VEPH1: variants seen among roughly 807,000 people sequenced by gnomAD.
VEPH1 encodes ventricular zone-expressed PH domain-containing protein homolog 1.
A neutral mutation model predicts 85.2 loss-of-function variants in VEPH1; 80 were observed. That is an observed-to-expected ratio of 0.94 (90% CI 0.78 to 1.13). VEPH1 has a LOEUF of 1.13. Ranked by LOEUF, VEPH1 falls within the 50% of genes most tolerant of loss-of-function variation. VEPH1 has a pLI of 0.00. For synonymous variants in VEPH1, 297 were observed against 348.0 expected (o/e 0.85, Z 1.63); for missense variants, 955 against 980.5 (o/e 0.97, Z 0.35).
intron 9 of VEPH1, among the ~76,000 whole-genome samples, chr3:157,329,708 T>C (rs1449581398): frequency 6.6e-6 from 1 of 152,178 alleles, no homozygotes; most frequent in Non-Finnish European, 1.5e-5. Context: ...TAATGACTAG[T>C]AATGTTATTC....
intron 10 of VEPH1, 44 bp from the exon 11 acceptor site, chr3:157,313,799 T>A: frequency 1.2e-6 from 2 of 1,605,704 alleles, no homozygotes; most frequent in Non-Finnish European, 1.7e-6. Context: ...CTATGTCTTG[T>A]CCCAATAGTA....
At chr3:157,495,028 T>C (rs938569734) in intron 2 of VEPH1, among the ~76,000 whole-genome samples, 184 bp downstream of exon 2, 1 of 152,204 alleles carries the variant, frequency 6.6e-6, no homozygotes, top group Non-Finnish European at 1.5e-5. Context: ...TGCCCCCTAC[T>C]AAGCCATGAC....
At chr3:157,289,816 A>G (rs1717250000) in intron 11 of VEPH1, among the ~76,000 whole-genome samples, 1 of 152,216 alleles carries the variant, frequency 6.6e-6, no homozygotes, top group Admixed American at 6.5e-5. Context: ...AGTGATAAAA[A>G]TAACTTATAT....
At chr3:157,370,155 G>A (rs1354797403) in intron 7 of VEPH1, among the ~76,000 whole-genome samples, 1 of 152,170 alleles carries the variant, frequency 6.6e-6, no homozygotes, top group East Asian at 1.9e-4. Context: ...TACATCTAGG[G>A]ATTCCCAGGG....
intron 9 of VEPH1, 138 bp downstream of exon 9, chr3:157,363,226 A>G (rs2108772020): frequency 2.5e-6 from 2 of 796,852 alleles, no homozygotes; most frequent in Non-Finnish European, 3.8e-6. Flanking sequence ...AAACTAACAT[A>G]ATGTAAGGTA....
chr3:157,272,440 C>CTTTCTTTCT (rs1491059636), intron 12 of VEPH1, among the ~76,000 whole-genome samples: 6 of 49,906 alleles, frequency 1.2e-4, no homozygotes, highest in Admixed American at 2.3e-4. Context: ...TCTTTCTTTC[C>CTTTCTTTCT]TTCTCTCTCT....
At chr3:157,502,188 G>T (rs1286038204) in intron 1 of VEPH1, among the ~76,000 whole-genome samples, 2 of 152,196 alleles carry the variant, frequency 1.3e-5, no homozygotes, top group East Asian at 3.9e-4. Context: ...CTGTCTTTTT[G>T]CTAGAGTACA....
At chr3:157,278,565 T>C (rs766532471) in intron 12 of VEPH1, among the ~76,000 whole-genome samples, 23 of 152,208 alleles carry the variant, frequency 1.5e-4, no homozygotes, top group Admixed American at 1.5e-3. Flanking sequence ...ATTTGTGTTT[T>C]GAAGAGTTCA....
At chr3:157,299,189 T>G (rs1718472433) in intron 11 of VEPH1, among the ~76,000 whole-genome samples, 1 of 152,182 alleles carries the variant, frequency 6.6e-6, no homozygotes, top group Admixed American at 6.5e-5. Context: ...TTATTCAGTT[T>G]GAGCAGTCTC....
chr3:157,384,449 G>A (rs1232082185), intron 6 of VEPH1, among the ~76,000 whole-genome samples: 6 of 152,090 alleles, frequency 3.9e-5, no homozygotes, highest in East Asian at 1.9e-4. Flanking sequence ...TTTAAAAACC[G>A]TTTCACAAAC....
At chr3:157,309,202 C>A (rs1719834445) in intron 11 of VEPH1, among the ~76,000 whole-genome samples, 1 of 152,032 alleles carries the variant, frequency 6.6e-6, no homozygotes, top group Non-Finnish European at 1.5e-5. Flanking sequence ...AGCTTATATT[C>A]TCATGTTGGC....
intron 2 of VEPH1, among the ~76,000 whole-genome samples, chr3:157,494,456 G>T (rs1739490870): frequency 6.6e-6 from 1 of 152,198 alleles, no homozygotes; most frequent in Non-Finnish European, 1.5e-5. Context: ...AGGTCAACAT[G>T]AAACCACACT....
intron 4 of VEPH1, 89 bp from the exon 5 acceptor site, chr3:157,428,577 T>G (rs1732920539): frequency 1.5e-6 from 2 of 1,320,780 alleles, no homozygotes; most frequent in African/African-American, 1.5e-5. Flanking sequence ...ATATTTGCAC[T>G]TACACATTAA....
chr3:157,331,749 T>C (rs892112036), intron 9 of VEPH1, among the ~76,000 whole-genome samples: 2 of 152,222 alleles, frequency 1.3e-5, no homozygotes, highest in African/African-American at 2.4e-5. Flanking sequence ...ATGGTTGTAC[T>C]TGCAGATTTG....
intron 4 of VEPH1, among the ~76,000 whole-genome samples, chr3:157,428,980 T>C (rs759343290): frequency 1.1e-4 from 16 of 152,212 alleles, no homozygotes; most frequent in Non-Finnish European, 1.9e-4. Flanking sequence ...TATGCCTTAT[T>C]TTATGAATAG....
In VEPH1 at chr3:157,260,901, T is replaced by G; in HGVS notation, c.*233A>C. 3 of 529,086 alleles carry G rather than the reference T, an allele frequency of 5.7e-6. No homozygotes were observed. The highest frequency in any genetic ancestry group is 3.6e-5 in the East Asian group (1 of 27,778). The allele number at this position is 529,086 out of a possible 1,614,324, so 32.8% of individuals were successfully genotyped here. A position where few individuals can be genotyped will look rare whatever the true frequency, so the allele number is the denominator to read the frequency against. On this transcript the variant is annotated 3_prime_UTR_variant, in exon 14 of 14. Transcript: ENST00000362010. ...GGGCATACTCTGTAGCTCCTTTTAT[T>G]TTATTTTATTTTTGTGGGCATCAGA... is the stretch of plus-strand genomic sequence containing the variant.
intron 5 of VEPH1, among the ~76,000 whole-genome samples, chr3:157,416,371 G>C (rs1490640004): frequency 6.7e-6 from 1 of 150,256 alleles, no homozygotes; most frequent in East Asian, 2.0e-4. Context: ...AGGAAATAAA[G>C]GGCTAGATTC....
chr3:157,369,183 A>AAAAAAAAAAAAAAAAAAC (rs1727142993), intron 7 of VEPH1, among the ~76,000 whole-genome samples: 1 of 134,562 alleles, frequency 7.4e-6, no homozygotes, highest in African/African-American at 3.0e-5. Context: ...ACCAAATGAA[A>AAAAAAAAAAAAAAAAAAC]AAAAAAAAAA....
chr3:157,327,761 C>A (rs1175241288), intron 9 of VEPH1, among the ~76,000 whole-genome samples: 2 of 152,140 alleles, frequency 1.3e-5, no homozygotes, highest in Admixed American at 6.5e-5. Context: ...CTGTTAAAAA[C>A]TTGTGCCTGC....
Sources: allele counts gnomAD v4.1 joint callset (sites outside exome capture counted in the v4.1 genomes callset), GRCh38; gene constraint gnomAD v4.1.1; transcripts MANE v1.5; gene names NCBI Gene and HGNC (gene_info 2026-07-23, HGNC 2026-07-21).